GPC5: variants seen among roughly 807,000 people sequenced by gnomAD.
The protein encoded by GPC5 is glypican 5.
A neutral mutation model predicts 53.9 loss-of-function variants in GPC5; 47 were observed. The observed-to-expected ratio is 0.87, with a 90% CI of 0.69 to 1.11. The LOEUF is 1.11. GPC5 is among the 50% of genes most tolerant of loss of function. GPC5 has a pLI of 0.00. For synonymous variants in GPC5, 286 were observed against 263.3 expected (o/e 1.09, Z -0.84); for missense variants, 748 against 713.1 (o/e 1.05, Z -0.56).
intron 7 of GPC5, among the ~76,000 whole-genome samples, chr13:92,628,436 C>T (rs1466588424): frequency 6.6e-6 from 1 of 151,926 alleles, no homozygotes; most frequent in Non-Finnish European, 1.5e-5. Context: ...TTCTTTTCCC[C>T]AGGCTAGAGC....
At chr13:92,605,534 A>G (rs947769165) in intron 7 of GPC5, among the ~76,000 whole-genome samples, 6 of 151,866 alleles carry the variant, frequency 4.0e-5, no homozygotes, top group Admixed American at 2.6e-4. Context: ...ACATTTCTGC[A>G]TCAGAGAGAT....
intron 7 of GPC5, among the ~76,000 whole-genome samples, chr13:92,233,614 C>T (rs990048672): frequency 1.6e-4 from 24 of 151,984 alleles, no homozygotes; most frequent in Non-Finnish European, 2.2e-4. Context: ...TCTTTCATTA[C>T]CATTATGTTT....
intron 6 of GPC5, among the ~76,000 whole-genome samples, chr13:92,029,057 T>G (rs1428778137): frequency 1.3e-5 from 2 of 152,186 alleles, no homozygotes; most frequent in Non-Finnish European, 1.5e-5. Flanking sequence ...GAGCCTTAAC[T>G]CAAACTTTCT....
chr13:92,434,914 T>C (rs548500918), intron 7 of GPC5, among the ~76,000 whole-genome samples: 2 of 152,150 alleles, frequency 1.3e-5, no homozygotes, highest in Non-Finnish European at 2.9e-5. Context: ...AACTAATTTG[T>C]CCAACTAATA....
intron 7 of GPC5, among the ~76,000 whole-genome samples, chr13:92,270,316 G>A (rs2042831339): frequency 6.6e-6 from 1 of 152,128 alleles, no homozygotes; most frequent in South Asian, 2.1e-4. Context: ...GGAAGTGATT[G>A]GAACATAGGG....
chr13:92,102,453 C>G (rs2041474876), intron 6 of GPC5, among the ~76,000 whole-genome samples: 1 of 151,998 alleles, frequency 6.6e-6, no homozygotes. Flanking sequence ...TTTTTCTTTT[C>G]AAAATCTGAC....
chr13:92,401,377 A>G (rs1266407788), intron 7 of GPC5, among the ~76,000 whole-genome samples: 1 of 152,110 alleles, frequency 6.6e-6, no homozygotes, highest in Non-Finnish European at 1.5e-5. Context: ...TAGAAATCGA[A>G]GTACCATATT....
chr13:92,610,418 G>A (rs1440388869), intron 7 of GPC5, among the ~76,000 whole-genome samples: 1 of 152,076 alleles, frequency 6.6e-6, no homozygotes, highest in Non-Finnish European at 1.5e-5. Flanking sequence ...TCAAAGAAAT[G>A]CGCTCCAGTC....
At chr13:91,759,761 C>T (rs576576716) in intron 5 of GPC5, among the ~76,000 whole-genome samples, 9 of 151,762 alleles carry the variant, frequency 5.9e-5, no homozygotes, top group South Asian at 4.2e-4. Context: ...CATCAATTCT[C>T]GTTGATTGAT....
intron 3 of GPC5, among the ~76,000 whole-genome samples, chr13:91,710,769 C>A (rs544272432): frequency 2.0e-5 from 3 of 152,120 alleles, no homozygotes; most frequent in African/African-American, 4.8e-5. Context: ...ACAGAATCCA[C>A]GTGGTTCATC....
intron 7 of GPC5, among the ~76,000 whole-genome samples, chr13:92,376,405 C>G (rs1341024906): frequency 6.6e-6 from 1 of 152,150 alleles, no homozygotes; most frequent in Non-Finnish European, 1.5e-5. Context: ...GATAACTTGT[C>G]ACCTTTTGAA....
At chr13:92,266,884 ATT>A (rs34404463) in intron 7 of GPC5, among the ~76,000 whole-genome samples, 24 of 149,134 alleles carry the variant, frequency 1.6e-4, no homozygotes, top group East Asian at 7.9e-4. Flanking sequence ...GAAAAACACA[ATT>A]TTTTTTTTTT....
chr13:91,975,124 A>C (rs2040285970), intron 6 of GPC5, among the ~76,000 whole-genome samples: 1 of 152,186 alleles, frequency 6.6e-6, no homozygotes, highest in Non-Finnish European at 1.5e-5. Flanking sequence ...TTAATTCAAG[A>C]TGGATTAAAG....
intron 7 of GPC5, among the ~76,000 whole-genome samples, chr13:92,471,639 TAGAG>T (rs1170785226): frequency 6.6e-6 from 1 of 151,686 alleles, no homozygotes; most frequent in Non-Finnish European, 1.5e-5. Context: ...TACATATATA[TAGAG>T]AGAGAGGGAG....
chr13:92,202,639 G>T, intron 7 of GPC5, among the ~76,000 whole-genome samples: 1 of 152,102 alleles, frequency 6.6e-6, no homozygotes, highest in East Asian at 1.9e-4. Context: ...GGCAGTTTTA[G>T]TGCCCATTTA....
At chr13:92,401,064 C>T (rs1457241059) in intron 7 of GPC5, among the ~76,000 whole-genome samples, 3 of 151,896 alleles carry the variant, frequency 2.0e-5, no homozygotes, top group South Asian at 2.1e-4. Flanking sequence ...TATTTCTGTT[C>T]CCAAAATGGA....
intron 7 of GPC5, among the ~76,000 whole-genome samples, chr13:92,577,283 C>A (rs1371175182): frequency 6.6e-6 from 1 of 152,052 alleles, no homozygotes. Context: ...AACCCATTAC[C>A]CCAGTCGTCA....
At chr13:91,853,827 G>T (rs539041224) in intron 5 of GPC5, among the ~76,000 whole-genome samples, 4 of 151,814 alleles carry the variant, frequency 2.6e-5, no homozygotes, top group African/African-American at 9.7e-5. Context: ...CATTTTATTG[G>T]ATACAATCAG....
intron 6 of GPC5, among the ~76,000 whole-genome samples, chr13:92,067,277 C>A (rs1408664251): frequency 6.6e-6 from 1 of 152,004 alleles, no homozygotes; most frequent in African/African-American, 2.4e-5. Context: ...ACTTAGAGTA[C>A]TCTGTTGAAA....
Sources: allele counts gnomAD v4.1 joint callset (sites outside exome capture counted in the v4.1 genomes callset), GRCh38; gene constraint gnomAD v4.1.1; transcripts MANE v1.5; gene names NCBI Gene and HGNC (gene_info 2026-07-23, HGNC 2026-07-21).